The following TLN2 variants were observed in gnomAD, a reference collection of about 807,000 sequenced individuals.
TLN2 encodes the protein talin 2, also known as talin-2.
In TLN2, 118 loss-of-function variants were observed where a neutral mutation model predicts 294.7. That is an observed-to-expected ratio of 0.40 (90% confidence interval 0.34 to 0.47). The LOEUF (loss-of-function observed/expected upper bound fraction) is 0.47, where lower values mean the gene tolerates loss of function less well. Ranked by LOEUF, TLN2 falls within the 20% of genes least tolerant of loss-of-function variation. The pLI, the probability that TLN2 is intolerant of heterozygous loss-of-function variation, is 0.84. For missense variants in TLN2, 3,083 were observed against 3,282.2 expected, an observed-to-expected ratio of 0.94 and a Z score of 1.48; for synonymous variants, 1,431 against 1,304.5, an observed-to-expected ratio of 1.10 and a Z score of -2.09.
intron 9 of TLN2, 30 bp from the exon 10 acceptor site, chr15:62,673,797 G>A: frequency 6.3e-7 from 1 of 1,576,560 alleles, no homozygotes; most frequent in Non-Finnish European, 8.7e-7. Flanking sequence ...CATGATAAAT[G>A]CCTTTCCTTT....
At chr15:62,798,047 C>T (rs1596033633) in intron 48 of TLN2, among the ~76,000 whole-genome samples, 1 of 152,244 alleles carries the variant, frequency 6.6e-6, no homozygotes, top group African/African-American at 2.4e-5. Context: ...GTGTTTCAAC[C>T]CACCAGAGAC....
intron 2 of TLN2, among the ~76,000 whole-genome samples, chr15:62,599,125 A>C (rs1328549954): frequency 6.6e-6 from 1 of 152,178 alleles, no homozygotes; most frequent in African/African-American, 2.4e-5. Flanking sequence ...CTTCTTTTCC[A>C]AACATCTTGG....
chr15:62,641,605 G>C (rs552715482), intron 3 of TLN2, among the ~76,000 whole-genome samples: 1 of 151,822 alleles, frequency 6.6e-6, no homozygotes, highest in South Asian at 2.1e-4. Context: ...CCTGGGCTAC[G>C]AGTAAAGCTC....
rs193094921 is a variant in TLN2 at position 62,512,290 on chromosome 15, C to T, written c.-237-77397C>T. 9.0e-3 allele frequency among the ~76,000 whole-genome samples: 1,367 copies of T among 152,110 alleles called. 24 individuals are homozygous for T. Among genetic ancestry groups the T allele is most frequent in the African/African-American group, 0.03 (1,247 of 41,464 alleles). ...CATTTCTTGGGCCCTCTGACTGAGTCGGTTGTCTATTCTCAGAAGAGGCTC... is the reference window on the plus strand; with the variant it reads ...CATTTCTTGGGCCCTCTGACTGAGTTGGTTGTCTATTCTCAGAAGAGGCTC... On this transcript the variant is annotated intron_variant, in intron 1 of 58. Transcript: ENST00000636159.
chr15:62,748,222 A>G, intron 32 of TLN2, 129 bp from the exon 33 acceptor site: 1 of 689,682 alleles, frequency 1.4e-6, no homozygotes, highest in Non-Finnish European at 2.5e-6. Context: ...GAGCCTCTGC[A>G]GAAGAGTTCT....
intron 1 of TLN2, among the ~76,000 whole-genome samples, chr15:62,573,660 T>G (rs2044123169): frequency 6.6e-6 from 1 of 151,810 alleles, no homozygotes; most frequent in African/African-American, 2.4e-5. Context: ...TCTTCCAGAG[T>G]CTCCTTCCCC....
intron 1 of TLN2, among the ~76,000 whole-genome samples, chr15:62,579,253 A>T (rs78093035): frequency 2.6e-4 from 40 of 152,338 alleles, no homozygotes; most frequent in Non-Finnish European, 5.0e-4. Flanking sequence ...TTGGAGAAAT[A>T]CATCAGGTGG....
chr15:62,696,342 A>G (rs1253762623), intron 14 of TLN2, among the ~76,000 whole-genome samples: 2 of 152,216 alleles, frequency 1.3e-5, no homozygotes, highest in Admixed American at 1.3e-4. Context: ...TGCCACCCTC[A>G]GACTTTTTAC....
At chr15:62,588,665 C>CT (rs2045834462) in intron 1 of TLN2, among the ~76,000 whole-genome samples, 1 of 71,450 alleles carries the variant, frequency 1.4e-5, no homozygotes, top group African/African-American at 4.8e-5. Flanking sequence ...ACATTTTTTT[C>CT]ATATATATAT....
At chr15:62,759,338 A>C (rs2062512576) in intron 37 of TLN2, among the ~76,000 whole-genome samples, 2 of 152,222 alleles carry the variant, frequency 1.3e-5, no homozygotes, top group African/African-American at 4.8e-5. Flanking sequence ...ATGGCTTGCT[A>C]TTCTAGTTCA....
At chr15:62,413,303 C>T (rs1595749472) in intron 1 of TLN2, among the ~76,000 whole-genome samples, 1 of 152,144 alleles carries the variant, frequency 6.6e-6, no homozygotes, top group South Asian at 2.1e-4. Flanking sequence ...TTAGTCCATG[C>T]ACTGCCCCTT....
At chr15:62,613,805 A>T (rs2048100416) in intron 2 of TLN2, among the ~76,000 whole-genome samples, 1 of 151,994 alleles carries the variant, frequency 6.6e-6, no homozygotes, top group Non-Finnish European at 1.5e-5. Context: ...CATATGCAAC[A>T]AGAGGGATCA....
At chr15:62,775,934 GTGT>G (rs1396169787) in intron 42 of TLN2, among the ~76,000 whole-genome samples, 1 of 152,208 alleles carries the variant, frequency 6.6e-6, no homozygotes, top group Non-Finnish European at 1.5e-5. Context: ...ACACTGCATA[GTGT>G]TGTTATAGTT....
rs143181864 is a variant in TLN2, at chr15:62,725,413, C to T, written c.3255+309C>T. On this transcript the variant is annotated intron_variant, in intron 27 of 58. Coordinates refer to ENST00000636159, the MANE Select transcript of TLN2 (RefSeq NM_015059.3). ...TGATGCACATAGAAAAGATTATCAG[C>T]AGTCATTTTAAAAAAACATTTACTT... Among the ~76,000 whole-genome samples the T allele has an allele frequency of 9.3e-4, 142 of 152,252 alleles. 1 individual carries two copies. Among genetic ancestry groups the T allele is most frequent in the Middle Eastern group, 3.4e-3 (1 of 294 alleles).
intron 1 of TLN2, among the ~76,000 whole-genome samples, chr15:62,572,969 C>G (rs1369284): frequency 0.88 from 133,536 of 152,170 alleles, 58,740 homozygotes; most frequent in East Asian, 1. Context: ...AGCTGGTGCC[C>G]TGCTCACGGG....
intron 34 of TLN2, 63 bp downstream of exon 34, chr15:62,750,554 G>A (rs551338791): frequency 8.2e-5 from 116 of 1,423,114 alleles, no homozygotes; most frequent in Middle Eastern, 5.2e-4. Context: ...GAGAAGTTTA[G>A]ACGTGCCTTC....
chr15:62,726,621 G>T (rs1042313317), intron 27 of TLN2, among the ~76,000 whole-genome samples: 3 of 152,106 alleles, frequency 2.0e-5, no homozygotes, highest in Non-Finnish European at 2.9e-5. Context: ...CAATGTTAAT[G>T]GTCCCACATG....
In TLN2 at chr15:62,692,828, C is replaced by T. The variant is rs2141067823; in HGVS notation, c.1114-12C>T. 1 of 1,609,196 alleles carries T rather than the reference C, an allele frequency of 6.2e-7. No individual in the cohort carries two copies. The highest frequency in any genetic ancestry group is 2.2e-5 in the East Asian group (1 of 44,792). On this transcript the variant is annotated splice_polypyrimidine_tract_variant and intron_variant, in intron 12 of 58. Transcript: ENST00000636159. ...TGATTTGGCTATATTTCCTCCATTG[C>T]TGTCTTTTCAGGATTTTGGGGAGTA...
At chr15:62,592,803 T>C (rs2046187494) in intron 2 of TLN2, among the ~76,000 whole-genome samples, 2 of 152,166 alleles carry the variant, frequency 1.3e-5, no homozygotes, top group African/African-American at 4.8e-5. Flanking sequence ...ACATGATGCT[T>C]TAAAGAGTTA....
Sources: allele counts gnomAD v4.1 joint callset (sites outside exome capture counted in the v4.1 genomes callset), GRCh38; gene constraint gnomAD v4.1.1; transcripts MANE v1.5; gene names NCBI Gene and HGNC (gene_info 2026-07-23, HGNC 2026-07-21).